Variants in NRG1 observed in about 807,000 individuals in gnomAD.
The protein encoded by NRG1 is neuregulin 1.
Under a neutral mutation model 63.8 loss-of-function variants are expected in NRG1, and 18 were observed. That is an observed-to-expected ratio of 0.28 (90% confidence interval 0.19 to 0.42). NRG1 has a LOEUF of 0.42. Among genes scored for constraint, NRG1 ranks in the 10% least tolerant of loss-of-function variants. The pLI is 1.00. For missense variants in NRG1, 762 were observed against 814.7 expected (o/e 0.94, Z 0.79); for synonymous variants, 302 against 301.3 (o/e 1.00, Z -0.02).
intron 1 of NRG1, among the ~76,000 whole-genome samples, chr8:32,567,676 G>T (rs1015319238): frequency 1.3e-5 from 2 of 152,128 alleles, no homozygotes; most frequent in African/African-American, 4.8e-5. Context: ...GTGTTTTATT[G>T]CCCTGGCACT....
At chr8:31,791,522 G>T (rs145215551) in intron 1 of NRG1, among the ~76,000 whole-genome samples, 180 of 152,164 alleles carry the variant, frequency 1.2e-3, no homozygotes, top group African/African-American at 3.9e-3. Flanking sequence ...TTGTATCTCT[G>T]TCACTCACAA....
At chr8:32,207,822 A>G (rs565299799) in intron 1 of NRG1, among the ~76,000 whole-genome samples, 1 of 152,316 alleles carries the variant, frequency 6.6e-6, no homozygotes, top group Non-Finnish European at 1.5e-5. Flanking sequence ...TGAGCAACTC[A>G]CATCTCTAGC....
exon 1 of NRG1, chr8:32,548,553 C>T (rs1001576894): frequency 8.0e-7 from 1 of 1,257,020 alleles, no homozygotes; most frequent in African/African-American, 1.6e-5. Flanking sequence ...CCGCCGCGTC[C>T]GCGCCGCGCT....
chr8:32,763,508 C>T lies in NRG1; in HGVS notation c.1260-240C>T, dbSNP rs567442808. On this transcript the variant is annotated intron_variant, in intron 11 of 11. Coordinates refer to ENST00000356819, the Ensembl canonical transcript of NRG1. ...GTGATGAGATTGAAAATCCCAAAAG[C>T]TTTGATGAGCTAGGCAATTTAGCTG... 119 of 1,093,790 alleles carry T rather than the reference C, an allele frequency of 1.1e-4. 1 individual carries two copies. The highest frequency in any genetic ancestry group is 9.2e-4 in the African/African-American group (58 of 63,348). 67.8% of individuals were successfully genotyped at this position (1,093,790 alleles called of 1,614,324 possible).
At chr8:32,705,554 T>G (rs1371726591) in intron 5 of NRG1, among the ~76,000 whole-genome samples, 1 of 152,234 alleles carries the variant, frequency 6.6e-6, no homozygotes, top group African/African-American at 2.4e-5. Context: ...GTTTCTCCAC[T>G]TTGAGAGGGG....
intron 1 of NRG1, among the ~76,000 whole-genome samples, chr8:31,829,583 A>G (rs1824908268): frequency 6.6e-6 from 1 of 152,204 alleles, no homozygotes; most frequent in African/African-American, 2.4e-5. Context: ...ATATGTCCAT[A>G]CTTGTTTATT....
chr8:32,556,639 A>C (rs2129525869), intron 1 of NRG1, among the ~76,000 whole-genome samples: 1 of 152,346 alleles, frequency 6.6e-6, no homozygotes, highest in Middle Eastern at 3.4e-3. Context: ...ACATCAATGC[A>C]AGCTTTTTAG....
exon 12 of NRG1, chr8:32,764,957 A>T (rs560830266): frequency 2.0e-5 from 3 of 152,400 alleles, no homozygotes; most frequent in South Asian, 2.1e-4. Flanking sequence ...ATCCAACAGC[A>T]TGCTACTATT....
At position 31,640,782 on chromosome 8, in the gene NRG1, G is replaced by C. The variant is rs1446946505; in HGVS notation, c.37+1351G>C. On this transcript the variant is annotated intron_variant, in intron 1 of 10. Transcript: ENST00000519301. This position sits in a 1 kb window ranked among gnomAD's most constrained non-coding sequence, Gnocchi z 6.3. ...ACCCGCGGCGAGGAGGGCGCATCCC[G>C]GGCGCGCGGGCAGCGGGGCTCGACG... is the stretch of plus-strand genomic sequence containing the variant. The C allele has an allele frequency of 5.5e-6, 8 of 1,443,820 alleles. No homozygotes were observed. The highest frequency in any genetic ancestry group is 5.5e-6 in the Non-Finnish European group (6 of 1,098,098). 89.4% of individuals were successfully genotyped at this position (1,443,820 alleles called of 1,614,324 possible).
At chr8:32,634,099 T>TAAAAAAAAAGAAAAAAAAAAAAAAAAAAA (rs1850847637) in intron 5 of NRG1, among the ~76,000 whole-genome samples, 1 of 86,796 alleles carries the variant, frequency 1.2e-5, no homozygotes, top group Non-Finnish European at 2.0e-5. Context: ...GATCTTGTCT[T>TAAAAAAAAAGAAAAAAAAAAAAAAAAAAA]AAAAAAAAAA....
At chr8:31,728,432 G>T (rs1813677256) in intron 1 of NRG1, among the ~76,000 whole-genome samples, 3 of 152,020 alleles carry the variant, frequency 2.0e-5, no homozygotes, top group Admixed American at 2.0e-4. Flanking sequence ...CAAGTAATTG[G>T]TTATTTACTA....
chr8:32,104,127 C>T (rs966214746), intron 1 of NRG1, among the ~76,000 whole-genome samples: 3 of 151,980 alleles, frequency 2.0e-5, no homozygotes, highest in Non-Finnish European at 2.9e-5. Flanking sequence ...TTACATGAAC[C>T]CTGATGGCAA....
At chr8:32,045,557 C>T (rs1037103751) in intron 1 of NRG1, among the ~76,000 whole-genome samples, 7 of 151,828 alleles carry the variant, frequency 4.6e-5, no homozygotes, top group Admixed American at 3.9e-4. Flanking sequence ...ATTATGTGCT[C>T]AATTTTAAGA....
intron 1 of NRG1, among the ~76,000 whole-genome samples, chr8:31,924,618 C>CTTTT (rs142092572): frequency 7.2e-6 from 1 of 139,808 alleles, no homozygotes; most frequent in Non-Finnish European, 1.5e-5. Context: ...AAATTTGTGC[C>CTTTT]TTTTTTTTTT....
intron 1 of NRG1, among the ~76,000 whole-genome samples, chr8:32,188,086 AGATGAAGTCTCACTG>A (rs545518055): frequency 2.1e-5 from 3 of 146,052 alleles, no homozygotes; most frequent in Non-Finnish European, 4.5e-5. Context: ...TTTTTTTTTG[AGATGAAGTCTCACTG>A]GATTTCCCAG....
At chr8:32,727,979 A>G (rs935253685) in exon 6 of NRG1, 2 of 1,613,980 alleles carry the variant, frequency 1.2e-6, no homozygotes, top group Non-Finnish European at 1.7e-6. Flanking sequence ...GGGACAAGCC[A>G]TCTTGTAAAA....
chr8:32,647,620 C>T lies in NRG1; in HGVS notation c.502+30735C>T, dbSNP rs1386739873. ...ATGGCCTTGGACTTGGACGATTTAT[C>T]GATTTCCCCCTGTAAGATGCTGTAT... On this transcript the variant is annotated intron_variant, in intron 5 of 11. Transcript: ENST00000356819. 4.8e-6 allele frequency: 7 copies of T among 1,457,766 alleles called. 1 individual carries two copies. In the South Asian group the frequency reaches 7.8e-5, roughly 16 times the overall value. The allele number at this position is 1,457,766 out of a possible 1,614,324, so 90.3% of individuals were successfully genotyped here. A position where few individuals can be genotyped will look rare whatever the true frequency, so the allele number is the denominator to read the frequency against.
At chr8:32,025,738 G>C (rs966576648) in intron 1 of NRG1, among the ~76,000 whole-genome samples, 2 of 151,944 alleles carry the variant, frequency 1.3e-5, no homozygotes, top group Admixed American at 6.6e-5. Flanking sequence ...ACGAGGTCAG[G>C]AGATCGAGAC....
intron 1 of NRG1, among the ~76,000 whole-genome samples, chr8:31,777,372 C>A (rs1051366132): frequency 6.6e-6 from 1 of 152,190 alleles, no homozygotes; most frequent in Non-Finnish European, 1.5e-5. Flanking sequence ...TTGTTGGACC[C>A]AATGTAGAGA....
Sources: allele counts gnomAD v4.1 joint callset (sites outside exome capture counted in the v4.1 genomes callset), GRCh38; gene constraint gnomAD v4.1.1; non-coding constraint Gnocchi (gnomAD v3.1); transcripts MANE v1.5; gene names NCBI Gene and HGNC (gene_info 2026-07-23, HGNC 2026-07-21).